TIMP3: variants seen among roughly 807,000 people sequenced by gnomAD.
The protein encoded by TIMP3 is TIMP metallopeptidase inhibitor 3, also known as metalloproteinase inhibitor 3.
TIMP3 carries 11 observed loss-of-function variants against 30.0 expected under a neutral mutation model. That is an observed-to-expected ratio of 0.37 (90% CI 0.23 to 0.61). The LOEUF (loss-of-function observed/expected upper bound fraction) is 0.61, where lower values mean the gene tolerates loss of function less well. TIMP3 is among the 20% of genes least tolerant of loss of function. The pLI is 0.70. For synonymous variants in TIMP3, 112 were observed against 111.3 expected, an observed-to-expected ratio of 1.01 and a Z score of -0.04; for missense variants, 181 against 276.8, an observed-to-expected ratio of 0.65 and a Z score of 2.45.
intron 2 of TIMP3, among the ~76,000 whole-genome samples, chr22:32,856,129 G>C (rs536267715): frequency 2.3e-4 from 35 of 152,350 alleles, no homozygotes; most frequent in East Asian, 1.9e-4. Flanking sequence ...ATGTGAGTGA[G>C]AATGTTTTTG....
chr22:32,859,132 G>A, intron 4 of TIMP3, 48 bp from the exon 5 acceptor site: 1 of 1,604,694 alleles, frequency 6.2e-7, no homozygotes, highest in Non-Finnish European at 8.5e-7. Context: ...TCAGGCCTGG[G>A]CATACCATGG....
chr22:32,859,171 T>A lies in TIMP3; in HGVS notation c.439-9T>A, dbSNP rs1211151100. 6.2e-7 allele frequency: 1 copy of A among 1,614,192 alleles called. No homozygotes were observed. Among genetic ancestry groups the A allele is most frequent in the Non-Finnish European group, 8.5e-7 (1 of 1,180,010 alleles). ...AGTCCATCAACTGCTGCCTGTTATC[T>A]AATTGCAGATCAAGTCCTGCTACTA... On this transcript the variant is annotated splice_polypyrimidine_tract_variant and intron_variant, in intron 4 of 4. Transcript: ENST00000266085.
intron 2 of TIMP3, among the ~76,000 whole-genome samples, chr22:32,855,655 T>C (rs931265368): frequency 1.3e-5 from 2 of 152,170 alleles, no homozygotes; most frequent in Non-Finnish European, 2.9e-5. Context: ...CTCAGTACCA[T>C]TGACATTTGG....
At chr22:32,851,728 C>A (rs2048223319) in intron 2 of TIMP3, among the ~76,000 whole-genome samples, 1 of 152,194 alleles carries the variant, frequency 6.6e-6, no homozygotes, top group African/African-American at 2.4e-5. Flanking sequence ...ATCCTGTGTT[C>A]TTTATATGAC....
Position 32,803,665 on chromosome 22 carries a change from C to A in TIMP3, c.121+1543C>A, listed in dbSNP as rs557095857. Among the ~76,000 whole-genome samples the A allele has an allele frequency of 2.6e-4, 40 of 152,316 alleles. No individual in the cohort carries two copies. In the East Asian group the frequency reaches 7.5e-3, roughly 29 times the overall value. Reference sequence around the variant, plus strand: ...TCCACTTACCCTTTCCCTCCTCATCCCAGTTGGTAACATTCCCACCTGATT... The same window carrying A: ...TCCACTTACCCTTTCCCTCCTCATCACAGTTGGTAACATTCCCACCTGATT... On this transcript the variant is annotated intron_variant, in intron 1 of 4. Coordinates refer to ENST00000266085, the MANE Select transcript of TIMP3 (RefSeq NM_000362.5).
At chr22:32,828,117 T>A (rs2047466684) in intron 1 of TIMP3, among the ~76,000 whole-genome samples, 2 of 152,360 alleles carry the variant, frequency 1.3e-5, no homozygotes, top group South Asian at 4.1e-4. Context: ...TAGAAGATAC[T>A]TGAAACTCTA....
In TIMP3 at chr22:32,861,770, T is replaced by C. The variant is rs1049309017; in HGVS notation, c.*2393T>C. ...GCGGTTTTGAGCTTTCTATAAGCTA[T>C]AGCTTTGTTTATTTCACCCGTTCAC... On this transcript the variant is annotated 3_prime_UTR_variant, in exon 5 of 5. Transcript: ENST00000266085. 6.5e-6 allele frequency: 1 copy of C among 152,684 alleles called. No individual in the cohort carries two copies. The highest frequency in any genetic ancestry group is 1.5e-5 in the Non-Finnish European group (1 of 68,050). The allele number at this position is 152,684 out of a possible 1,614,324, so 9.5% of individuals were successfully genotyped here.
intron 2 of TIMP3, among the ~76,000 whole-genome samples, chr22:32,852,210 A>C (rs191649789): frequency 6.6e-6 from 1 of 152,350 alleles, no homozygotes; most frequent in Admixed American, 6.5e-5. Flanking sequence ...TATGGCCACA[A>C]AGTGGCAAAC....
chr22:32,806,167 C>T (rs935265529), intron 1 of TIMP3, among the ~76,000 whole-genome samples: 2 of 151,968 alleles, frequency 1.3e-5, no homozygotes, highest in African/African-American at 4.8e-5. Context: ...GGGAGGTACC[C>T]GGTCTGCCAG....
chr22:32,821,946 G>A (rs1205897532), intron 1 of TIMP3, among the ~76,000 whole-genome samples: 4 of 151,944 alleles, frequency 2.6e-5, no homozygotes, highest in Admixed American at 6.6e-5. Context: ...ACCTGAGGTC[G>A]GGAGTTCGAG....
intron 1 of TIMP3, among the ~76,000 whole-genome samples, chr22:32,835,052 C>T (rs898420210): frequency 3.3e-5 from 5 of 152,188 alleles, no homozygotes; most frequent in African/African-American, 1.2e-4. Context: ...TTTCCATTGC[C>T]TGGACCATCC....
chr22:32,859,573 T>A lies in TIMP3; in HGVS notation c.*196T>A. 1.4e-6 allele frequency: 1 copy of A among 694,968 alleles called. No individual in the cohort carries two copies. The highest frequency in any genetic ancestry group is 2.3e-6 in the Non-Finnish European group (1 of 434,212). 43.1% of individuals were successfully genotyped at this position (694,968 alleles called of 1,614,324 possible). Reference sequence around the variant, plus strand: ...CCTCCTGGCCCCACCCTGCCCCTTCTTTTTGGTTTTGACATCATTCATTTC... The same window carrying A: ...CCTCCTGGCCCCACCCTGCCCCTTCATTTTGGTTTTGACATCATTCATTTC... On this transcript the variant is annotated 3_prime_UTR_variant, in exon 5 of 5. Coordinates refer to ENST00000266085, the MANE Select transcript of TIMP3 (RefSeq NM_000362.5).
chr22:32,829,497 G>A (rs898365546), intron 1 of TIMP3, among the ~76,000 whole-genome samples: 8 of 152,282 alleles, frequency 5.3e-5, no homozygotes, highest in Admixed American at 1.3e-4. Flanking sequence ...GGAATTGATC[G>A]GTGCCAGATG....
intron 1 of TIMP3, among the ~76,000 whole-genome samples, chr22:32,831,564 T>A (rs1450565408): frequency 6.6e-6 from 1 of 152,222 alleles, no homozygotes; most frequent in Admixed American, 6.5e-5. Context: ...GAAGCATTTT[T>A]ATTACCAAGG....
intron 1 of TIMP3, among the ~76,000 whole-genome samples, chr22:32,832,751 CAG>C (rs1285374467): frequency 1.3e-5 from 2 of 151,870 alleles, no homozygotes; most frequent in Non-Finnish European, 2.9e-5. Context: ...TTTTCTGAGA[CAG>C]AGTCTCACTC....
At chr22:32,823,050 A>G (rs1345123138) in intron 1 of TIMP3, among the ~76,000 whole-genome samples, 1 of 152,218 alleles carries the variant, frequency 6.6e-6, no homozygotes, top group East Asian at 1.9e-4. Context: ...GATGATTTTA[A>G]TTTGATCCAG....
rs1341739777 is a variant in TIMP3, at chr22:32,860,310, C to T, written c.*933C>T. On this transcript the variant is annotated 3_prime_UTR_variant, in exon 5 of 5. Coordinates refer to ENST00000266085, the MANE Select transcript of TIMP3 (RefSeq NM_000362.5). ...CACCATACACTATCCACAGATATAG[C>T]CAAGTAGATTTGGGTAGAGGATACT... 1 of 152,578 alleles carries T rather than the reference C, an allele frequency of 6.6e-6. No homozygotes were observed. Among genetic ancestry groups the T allele is most frequent in the Non-Finnish European group, 1.5e-5 (1 of 68,042 alleles). 9.5% of individuals were successfully genotyped at this position (152,578 alleles called of 1,614,324 possible).
intron 1 of TIMP3, among the ~76,000 whole-genome samples, chr22:32,820,133 C>T (rs1005098641): frequency 6.6e-6 from 1 of 152,032 alleles, no homozygotes; most frequent in Admixed American, 6.6e-5. Context: ...AGAGTCAGCC[C>T]TCTCATCCTA....
chr22:32,820,764 ACT>A (rs1050636531), intron 1 of TIMP3, among the ~76,000 whole-genome samples: 1 of 152,174 alleles, frequency 6.6e-6, no homozygotes, highest in Non-Finnish European at 1.5e-5. Flanking sequence ...ACAGAAGCTT[ACT>A]CATACCTATT....
Sources: allele counts gnomAD v4.1 joint callset (sites outside exome capture counted in the v4.1 genomes callset), GRCh38; gene constraint gnomAD v4.1.1; transcripts MANE v1.5; gene names NCBI Gene and HGNC (gene_info 2026-07-23, HGNC 2026-07-21).